The following MYO9A variants were observed in gnomAD, a reference collection of about 807,000 sequenced individuals.
MYO9A encodes myosin IXA.
A neutral mutation model predicts 293.3 loss-of-function variants in MYO9A; 103 were observed. The observed-to-expected ratio is 0.35, with a 90% CI of 0.30 to 0.41. The LOEUF is 0.41. MYO9A is among the 10% of genes least tolerant of loss of function. MYO9A has a pLI of 1.00. For missense variants in MYO9A, 2,685 were observed against 3,033.0 expected (o/e 0.89, Z 2.69); for synonymous variants, 1,001 against 1,035.7 (o/e 0.97, Z 0.64).
At chr15:71,924,295 C>T (rs563557712) in intron 18 of MYO9A, among the ~76,000 whole-genome samples, 7 of 151,886 alleles carry the variant, frequency 4.6e-5, no homozygotes, top group African/African-American at 1.4e-4. Flanking sequence ...AGGTTGGAGC[C>T]CAGTGGCGTG....
intron 27 of MYO9A, among the ~76,000 whole-genome samples, chr15:71,887,060 C>T (rs1209443854): frequency 6.6e-6 from 1 of 152,026 alleles, no homozygotes; most frequent in Non-Finnish European, 1.5e-5. Flanking sequence ...ATAAAAATTC[C>T]ATAAGCTCTC....
intron 39 of MYO9A, among the ~76,000 whole-genome samples, chr15:71,838,759 T>A (rs2055034783): frequency 6.6e-6 from 1 of 152,200 alleles, no homozygotes; most frequent in Non-Finnish European, 1.5e-5. Flanking sequence ...TAATATGCTT[T>A]TGACAGAGAG....
intron 32 of MYO9A, among the ~76,000 whole-genome samples, chr15:71,870,543 G>A (rs188289774): frequency 2.6e-5 from 4 of 152,254 alleles, no homozygotes; most frequent in East Asian, 3.9e-4. Flanking sequence ...AATAAAAAGA[G>A]AGACTAAAAA....
intron 1 of MYO9A, among the ~76,000 whole-genome samples, chr15:72,091,839 C>T (rs1156941487): frequency 2.6e-5 from 4 of 151,780 alleles, no homozygotes; most frequent in African/African-American, 7.3e-5. Context: ...CTCAGCCTCC[C>T]GAGTAGCTGG....
chr15:71,975,529 G>A (rs571154644), intron 12 of MYO9A, among the ~76,000 whole-genome samples: 1 of 151,364 alleles, frequency 6.6e-6, no homozygotes, highest in South Asian at 2.1e-4. Context: ...GCAGGTCACA[G>A]GAGTGCTTTA....
At chr15:71,979,752 A>G (rs1429323213) in intron 11 of MYO9A, among the ~76,000 whole-genome samples, 1 of 152,222 alleles carries the variant, frequency 6.6e-6, no homozygotes, top group African/African-American at 2.4e-5. Context: ...AAAGTGTGCC[A>G]AACTCTGCTA....
At chr15:72,061,526 A>C (rs1199694981) in intron 1 of MYO9A, among the ~76,000 whole-genome samples, 1 of 150,922 alleles carries the variant, frequency 6.6e-6, no homozygotes, top group African/African-American at 2.4e-5. Flanking sequence ...TCAGGCCTTG[A>C]AAAAACATCA....
At chr15:71,899,611 CA>C in intron 24 of MYO9A, 75 bp downstream of exon 24, 1 of 1,260,320 alleles carries the variant, frequency 7.9e-7, no homozygotes, top group Non-Finnish European at 1.1e-6. Flanking sequence ...ACAAATTAGA[CA>C]AGTGTTAATG....
intron 15 of MYO9A, among the ~76,000 whole-genome samples, chr15:71,951,213 C>T (rs1316984338): frequency 6.6e-6 from 1 of 152,118 alleles, no homozygotes; most frequent in Non-Finnish European, 1.5e-5. Context: ...ACCAATGATA[C>T]ACAAAAATAA....
chr15:71,961,511 A>T (rs1392950129), intron 13 of MYO9A, among the ~76,000 whole-genome samples: 1 of 152,180 alleles, frequency 6.6e-6, no homozygotes, highest in Non-Finnish European at 1.5e-5. Flanking sequence ...TGTCTCATGT[A>T]ATCTCATTTA....
chr15:71,838,141 G>A (rs2055012485), intron 39 of MYO9A, among the ~76,000 whole-genome samples: 1 of 152,144 alleles, frequency 6.6e-6, no homozygotes, highest in Admixed American at 6.5e-5. Context: ...ATAACACTGA[G>A]AAGTGGTTTA....
chr15:72,107,707 ATCAT>A (rs1340896472), intron 1 of MYO9A, among the ~76,000 whole-genome samples: 2 of 152,048 alleles, frequency 1.3e-5, no homozygotes, highest in Non-Finnish European at 2.9e-5. Context: ...AAAGTAAGGA[ATCAT>A]TCAAAGACTA....
At chr15:72,076,748 CGTTTAT>C (rs1442405865) in intron 1 of MYO9A, among the ~76,000 whole-genome samples, 3 of 151,988 alleles carry the variant, frequency 2.0e-5, no homozygotes, top group African/African-American at 7.2e-5. Context: ...AAACTTATAT[CGTTTAT>C]ATGGAAAAGT....
intron 1 of MYO9A, among the ~76,000 whole-genome samples, chr15:72,071,678 C>T (rs1329628887): frequency 2.0e-5 from 3 of 151,854 alleles, no homozygotes; most frequent in South Asian, 4.2e-4. Flanking sequence ...TTGCTTAAGC[C>T]GAGGAGACAG....
Position 72,042,015 on chromosome 15 carries a change from T to TAA in MYO9A, c.840+3707_840+3708dup, listed in dbSNP as rs61163353. Among the ~76,000 whole-genome samples the TAA allele has an allele frequency of 4.7e-4, 62 of 131,920 alleles. 1 individual carries two copies. The highest frequency in any genetic ancestry group is 1.3e-3 in the East Asian group (6 of 4,796). 86.5% of individuals were successfully genotyped at this position (131,920 alleles called of 152,430 possible). On this transcript the variant is annotated intron_variant, in intron 2 of 41. Transcript: ENST00000356056. ...CATTAATGAATTCCAACACTGACAG[T>TAA]AAAAAAAAAAAAAACCAGTTCTACA...
At chr15:72,012,777 T>C (rs1241077563) in intron 6 of MYO9A, among the ~76,000 whole-genome samples, 1 of 152,190 alleles carries the variant, frequency 6.6e-6, no homozygotes, top group African/African-American at 2.4e-5. Flanking sequence ...TCCACATGTG[T>C]CAATAATGAT....
intron 1 of MYO9A, among the ~76,000 whole-genome samples, chr15:72,081,584 TG>T (rs2079547721): frequency 6.6e-6 from 1 of 152,212 alleles, no homozygotes; most frequent in Admixed American, 6.5e-5. Flanking sequence ...CTTTTGCAAT[TG>T]CTTTTGGTGT....
chr15:71,898,217 A>G lies in MYO9A; in HGVS notation c.4286T>C (p.Leu1429Pro). The change falls in exon 25 of 42, where the codon CTG (leucine) becomes CCG (proline). Residue 1429 changes from leucine (L) to proline (P), a missense_variant. Physicochemically the swap from Leu to Pro is moderately conservative, Grantham distance 98. Coordinates refer to ENST00000356056, the MANE Select transcript of MYO9A (RefSeq NM_006901.4). ...TGTGTCTAGTTGGGAATTTGTTTTC[A>G]GTGGGTCTTGTTGGGGGATATAAAA... ...TFFYIPQQDP[L>P]KTNSQLDTSI... 6.2e-7 allele frequency: 1 copy of G among 1,614,020 alleles called. No individual in the cohort carries two copies. Among genetic ancestry groups the G allele is most frequent in the Non-Finnish European group, 8.5e-7 (1 of 1,180,008 alleles).
chr15:72,055,989 A>C (rs2078707483), intron 1 of MYO9A, among the ~76,000 whole-genome samples: 2 of 152,204 alleles, frequency 1.3e-5, no homozygotes, highest in South Asian at 4.1e-4. Flanking sequence ...GCACTTTAGG[A>C]GGCCAAGGCA....
Sources: allele counts gnomAD v4.1 joint callset (sites outside exome capture counted in the v4.1 genomes callset), GRCh38; gene constraint gnomAD v4.1.1; transcripts MANE v1.5; gene names NCBI Gene and HGNC (gene_info 2026-07-23, HGNC 2026-07-21).